Variants in NLGN1 observed in about 807,000 individuals in gnomAD.
NLGN1 encodes neuroligin-1.
NLGN1 carries 12 observed loss-of-function variants against 65.5 expected under a neutral mutation model. The observed-to-expected ratio is 0.18, with a 90% CI of 0.12 to 0.30. The LOEUF is 0.30. Ranked by LOEUF, NLGN1 falls within the 10% of genes least tolerant of loss-of-function variation. The pLI, the probability that NLGN1 is intolerant of heterozygous loss-of-function variation, is 1.00. For missense variants in NLGN1, 750 were observed against 1,007.1 expected (o/e 0.74, Z 3.46); for synonymous variants, 350 against 359.5 (o/e 0.97, Z 0.30).
intron 1 of NLGN1, among the ~76,000 whole-genome samples, chr3:173,402,160 A>G (rs1717811925): frequency 6.6e-6 from 1 of 152,198 alleles, no homozygotes; most frequent in South Asian, 2.1e-4. Context: ...AGTAGGTAAA[A>G]TAATGGATTC....
At chr3:173,527,413 T>C (rs997899028) in intron 2 of NLGN1, among the ~76,000 whole-genome samples, 1 of 152,228 alleles carries the variant, frequency 6.6e-6, no homozygotes, top group African/African-American at 2.4e-5. Context: ...TTTCTTTTTT[T>C]TTGAGACGGA....
At chr3:174,175,508 T>G (rs1291775068) in intron 4 of NLGN1, among the ~76,000 whole-genome samples, 1 of 151,888 alleles carries the variant, frequency 6.6e-6, no homozygotes, top group Non-Finnish European at 1.5e-5. Flanking sequence ...CCGTTTATTT[T>G]CAGTCTATAT....
At chr3:173,825,266 G>A (rs1313707928) in intron 4 of NLGN1, among the ~76,000 whole-genome samples, 1 of 152,030 alleles carries the variant, frequency 6.6e-6, no homozygotes, top group African/African-American at 2.4e-5. Context: ...TTGAGAGCAT[G>A]ATTAATTTTC....
At chr3:173,843,518 C>T (rs1395609410) in intron 4 of NLGN1, among the ~76,000 whole-genome samples, 2 of 152,156 alleles carry the variant, frequency 1.3e-5, no homozygotes, top group Non-Finnish European at 2.9e-5. Context: ...TGCTTTGGTG[C>T]TTAGAAATTT....
intron 4 of NLGN1, among the ~76,000 whole-genome samples, chr3:173,977,161 G>A (rs76745783): frequency 0.02 from 3,042 of 151,676 alleles, 98 homozygotes; most frequent in African/African-American, 0.07. Flanking sequence ...GACAAATGCT[G>A]CAATAGAAAG....
chr3:173,476,389 G>T (rs1391655568), intron 2 of NLGN1, among the ~76,000 whole-genome samples: 1 of 152,140 alleles, frequency 6.6e-6, no homozygotes, highest in Non-Finnish European at 1.5e-5. Flanking sequence ...AATCAGGCAA[G>T]ATAACTACAT....
downstream of NLGN1, among the ~76,000 whole-genome samples, chr3:174,291,440 A>T (rs1373948010): frequency 6.6e-6 from 1 of 151,236 alleles, no homozygotes; most frequent in African/African-American, 2.4e-5. Flanking sequence ...ATCAAGACAT[A>T]TGCTAATAAG....
chr3:173,814,918 C>G lies in NLGN1; in HGVS notation c.646+7086C>G, dbSNP rs184060645. On this transcript the variant is annotated intron_variant, in intron 4 of 6. Coordinates refer to ENST00000457714, the Ensembl canonical transcript of NLGN1. ...AAATAGTGCAATGAGAAGGGAGCTA[C>G]TTTATTTTAGAAACACAGAGCAGTT... Among the ~76,000 whole-genome samples, 58 of 152,240 alleles carry G rather than the reference C, an allele frequency of 3.8e-4. 1 individual carries two copies. The highest frequency in any genetic ancestry group is 1.2e-3 in the African/African-American group (50 of 41,554).
At chr3:173,433,841 A>G (rs961112031) in intron 1 of NLGN1, among the ~76,000 whole-genome samples, 1 of 152,170 alleles carries the variant, frequency 6.6e-6, no homozygotes, top group Non-Finnish European at 1.5e-5. Flanking sequence ...CTCCTGGCTT[A>G]GGTTATATAA....
chr3:173,678,949 G>A (rs1577910323), intron 3 of NLGN1, among the ~76,000 whole-genome samples: 1 of 152,002 alleles, frequency 6.6e-6, no homozygotes, highest in Non-Finnish European at 1.5e-5. Flanking sequence ...TAATTGGTTG[G>A]TTCCATTAAG....
chr3:173,888,856 C>T (rs1314392380), intron 4 of NLGN1, among the ~76,000 whole-genome samples: 1 of 151,954 alleles, frequency 6.6e-6, no homozygotes, highest in African/African-American at 2.4e-5. Flanking sequence ...ATTTTGTTAC[C>T]TTTATTGTCA....
At chr3:173,846,460 G>C (rs2150710183) in intron 4 of NLGN1, among the ~76,000 whole-genome samples, 1 of 152,274 alleles carries the variant, frequency 6.6e-6, no homozygotes. Flanking sequence ...TGGGAGAGGT[G>C]AGAGAACACG....
intron 4 of NLGN1, among the ~76,000 whole-genome samples, chr3:174,181,197 A>C (rs1423608344): frequency 6.6e-6 from 1 of 152,040 alleles, no homozygotes; most frequent in East Asian, 1.9e-4. Context: ...GAATAATATA[A>C]ATTCATCAAA....
rs554199952 is a variant in NLGN1 at position 173,899,638 on chromosome 3, T to C, written c.646+91806T>C. On this transcript the variant is annotated intron_variant, in intron 4 of 6. Transcript: ENST00000457714. ...TGTGAAAGTTACAGGAAATCCAAAT[T>C]TTCCATTAATAAAGTTTTATTGGAA... Among the ~76,000 whole-genome samples, 4 of 152,224 alleles carry C rather than the reference T, an allele frequency of 2.6e-5. No individual in the cohort carries two copies. The South Asian group carries it at 8.3e-4, about 32-fold the overall frequency.
At chr3:173,507,333 C>T (rs1732197973) in intron 2 of NLGN1, among the ~76,000 whole-genome samples, 1 of 151,898 alleles carries the variant, frequency 6.6e-6, no homozygotes, top group African/African-American at 2.4e-5. Context: ...TTGTAAAGGA[C>T]AATCAAATCC....
chr3:173,539,795 T>TAACAC (rs762360150), intron 2 of NLGN1, among the ~76,000 whole-genome samples: 75 of 84,072 alleles, frequency 8.9e-4, no homozygotes, highest in African/African-American at 3.3e-3. Flanking sequence ...TGTACATATA[T>TAACAC]ACATATATAT....
chr3:173,742,926 G>A (rs1283875062), intron 3 of NLGN1, among the ~76,000 whole-genome samples: 1 of 152,076 alleles, frequency 6.6e-6, no homozygotes, highest in Non-Finnish European at 1.5e-5. Flanking sequence ...TTTGTATTAT[G>A]TCTATAAAAT....
At chr3:173,490,181 A>AT (rs981185166) in intron 2 of NLGN1, among the ~76,000 whole-genome samples, 1 of 151,936 alleles carries the variant, frequency 6.6e-6, no homozygotes, top group African/African-American at 2.4e-5. Context: ...CCTAAATGGT[A>AT]TTTTTTTATT....
At chr3:174,045,776 G>A (rs1398312171) in intron 4 of NLGN1, among the ~76,000 whole-genome samples, 1 of 152,114 alleles carries the variant, frequency 6.6e-6, no homozygotes, top group Non-Finnish European at 1.5e-5. Context: ...TTTACTGACA[G>A]TATTTGAATA....
Sources: allele counts gnomAD v4.1 joint callset (sites outside exome capture counted in the v4.1 genomes callset), GRCh38; gene constraint gnomAD v4.1.1; transcripts MANE v1.5; gene names NCBI Gene and HGNC (gene_info 2026-07-23, HGNC 2026-07-21).